ZNF474: variants seen among roughly 807,000 people sequenced by gnomAD.
The protein encoded by ZNF474 is 4933409D10Rik.
For missense variants in ZNF474, 511 were observed against 433.8 expected (o/e 1.18, Z -1.58); for synonymous variants, 192 against 162.2 (o/e 1.18, Z -1.39).
intron 1 of ZNF474, among the ~76,000 whole-genome samples, chr5:122,149,094 G>C (rs1381119167): frequency 6.6e-6 from 1 of 152,086 alleles, no homozygotes; most frequent in Non-Finnish European, 1.5e-5. Context: ...CTTATAAGTG[G>C]GAGCTAAACG....
At chr5:122,131,015 A>G (rs898950861) in intron 1 of ZNF474, among the ~76,000 whole-genome samples, 2 of 152,244 alleles carry the variant, frequency 1.3e-5, no homozygotes, top group East Asian at 1.9e-4. Context: ...TCCTCCACTC[A>G]TGGTAACCAT....
At chr5:122,150,628 A>G (rs1756141848) in intron 1 of ZNF474, among the ~76,000 whole-genome samples, 1 of 152,194 alleles carries the variant, frequency 6.6e-6, no homozygotes, top group African/African-American at 2.4e-5. Flanking sequence ...GATAAAGGAA[A>G]TGAAAAAGGT....
chr5:122,141,433 C>A (rs912275402), intron 1 of ZNF474, among the ~76,000 whole-genome samples: 7 of 150,550 alleles, frequency 4.6e-5, no homozygotes, highest in Non-Finnish European at 8.8e-5. Context: ...CTCAGTCTCC[C>A]AAGTAGCCGG....
At chr5:122,144,864 A>G (rs1409684116) in intron 1 of ZNF474, among the ~76,000 whole-genome samples, 1 of 152,168 alleles carries the variant, frequency 6.6e-6, no homozygotes, top group Non-Finnish European at 1.5e-5. Context: ...TGTCAATATT[A>G]CAATTATATG....
At position 122,152,953 on chromosome 5, in the gene ZNF474, G is replaced by A. The variant is rs751418180; in HGVS notation, c.963G>A (p.Gly321=). The A allele has an allele frequency of 6.2e-7, 1 of 1,613,904 alleles. No individual in the cohort carries two copies. Among genetic ancestry groups the A allele is most frequent in the African/African-American group, 1.3e-5 (1 of 74,900 alleles). ...YGPKYQNLNL[G]SKGGLKEYTN... ...CAAAATATCAGAATTTGAATTTAGG[G>A]AGTAAAGGAGGCCTAAAAGAGTACA... Residue 321 remains glycine (G), a synonymous_variant, in exon 2 of 2, where the codon GGG becomes GGA. Transcript: ENST00000296600.
In ZNF474 at chr5:122,152,008, G is replaced by A; in HGVS notation, c.18G>A (p.Lys6=). The change falls in exon 2 of 2, where the codon AAG becomes AAA. Residue 6 remains lysine, a synonymous_variant. Transcript: ENST00000296600. MERGK[K]KRISNKLQQT... Reference sequence around the variant, plus strand: ...CTTTGTTAATGGAAAGAGGAAAGAAGAAAAGAATTTCCAATAAGTTACAAC... The same window carrying A: ...CTTTGTTAATGGAAAGAGGAAAGAAAAAAAGAATTTCCAATAAGTTACAAC... 1.2e-6 allele frequency: 2 copies of A among 1,609,638 alleles called. No individual in the cohort carries two copies. The highest frequency in any genetic ancestry group is 1.7e-6 in the Non-Finnish European group (2 of 1,178,976).
chr5:122,134,035 T>G (rs908521099), intron 1 of ZNF474, among the ~76,000 whole-genome samples: 2 of 152,210 alleles, frequency 1.3e-5, no homozygotes, highest in African/African-American at 4.8e-5. Flanking sequence ...TTTTCAGGAT[T>G]ATATGCAATT....
chr5:122,141,298 C>CAATTTTTTTTTTTTTTT (rs1755838749), intron 1 of ZNF474, among the ~76,000 whole-genome samples: 1 of 102,200 alleles, frequency 9.8e-6, no homozygotes, highest in African/African-American at 4.3e-5. Flanking sequence ...TTACCCCTGG[C>CAATTTTTTTTTTTTTTT]TATTTTTTTT....
At chr5:122,144,507 A>G (rs1755934674) in intron 1 of ZNF474, among the ~76,000 whole-genome samples, 1 of 152,182 alleles carries the variant, frequency 6.6e-6, no homozygotes, top group African/African-American at 2.4e-5. Context: ...TTCAAGAGAA[A>G]CCAAAAATCC....
intron 1 of ZNF474, among the ~76,000 whole-genome samples, chr5:122,145,426 C>T (rs907177318): frequency 2.6e-5 from 4 of 152,164 alleles, no homozygotes; most frequent in African/African-American, 9.7e-5. Context: ...AAAGAGTATG[C>T]AGAACCAGTG....
chr5:122,131,741 A>G (rs1223049982), intron 1 of ZNF474, among the ~76,000 whole-genome samples: 1 of 152,094 alleles, frequency 6.6e-6, no homozygotes, highest in African/African-American at 2.4e-5. Flanking sequence ...TAATTTGCAT[A>G]TTCCTGATGA....
chr5:122,137,632 A>G (rs937686467), intron 1 of ZNF474, among the ~76,000 whole-genome samples: 1 of 152,078 alleles, frequency 6.6e-6, no homozygotes, highest in South Asian at 2.1e-4. Context: ...ACCCCAAAGT[A>G]AGAGAGAGTT....
Position 122,152,352 on chromosome 5 carries a change from A to C in ZNF474, c.362A>C (p.His121Pro). ...GAACCCCAGTGCTTGCAGAAGTGGCATATTGAAAACAGCAAGTTGCCCAAG... is the reference window on the plus strand; with the variant it reads ...GAACCCCAGTGCTTGCAGAAGTGGCCTATTGAAAACAGCAAGTTGCCCAAG... ...IHEPQCLQKW[H>P]IENSKLPKHL... The change falls in exon 2 of 2, where the codon CAT becomes CCT. Residue 121 changes from histidine to proline, a missense_variant. His to Pro is a moderately conservative substitution (Grantham distance 77). Transcript: ENST00000296600. 1 of 1,614,210 alleles carries C rather than the reference A, an allele frequency of 6.2e-7. No individual in the cohort carries two copies. Among genetic ancestry groups the C allele is most frequent in the Middle Eastern group, 1.6e-4 (1 of 6,062 alleles).
chr5:122,152,875 C>T lies in ZNF474; in HGVS notation c.885C>T (p.Thr295=), dbSNP rs1223873693. The T allele has an allele frequency of 6.2e-7, 1 of 1,614,130 alleles. No individual in the cohort carries two copies. The highest frequency in any genetic ancestry group is 1.7e-5 in the Admixed American group (1 of 60,018). The stretch of plus-strand genomic sequence containing the variant: ...GCCCACATTGTAGCCGAATCTTTAC[C>T]TCAGACCGCCTCCTGGTACACCAGA... ...VFCPHCSRIF[T]SDRLLVHQRS... The change falls in exon 2 of 2, where the codon ACC becomes ACT. Residue 295 remains threonine, a synonymous_variant. Coordinates refer to ENST00000296600, the MANE Select transcript of ZNF474 (RefSeq NM_207317.3).
chr5:122,145,488 G>A (rs6595345), intron 1 of ZNF474, among the ~76,000 whole-genome samples: 22,619 of 152,122 alleles, frequency 0.15, 2,583 homozygotes, highest in African/African-American at 0.31. Context: ...TTTGGTCTAT[G>A]AGTAGGATCA....
At chr5:122,131,798 A>T (rs1211802517) in intron 1 of ZNF474, among the ~76,000 whole-genome samples, 1 of 152,074 alleles carries the variant, frequency 6.6e-6, no homozygotes, top group Non-Finnish European at 1.5e-5. Context: ...GTATCTTTTT[A>T]AAAATTATCT....
intron 1 of ZNF474, among the ~76,000 whole-genome samples, chr5:122,146,639 G>A (rs1755997076): frequency 6.6e-6 from 1 of 152,130 alleles, no homozygotes; most frequent in Non-Finnish European, 1.5e-5. Context: ...AGGTTTCCAT[G>A]TGAATAACAG....
intron 1 of ZNF474, among the ~76,000 whole-genome samples, chr5:122,145,107 A>G (rs6595344): frequency 0.13 from 20,270 of 152,208 alleles, 1,894 homozygotes; most frequent in African/African-American, 0.26. Flanking sequence ...ATACCTGACA[A>G]TTAGATTGAA....
Position 122,151,847 on chromosome 5 carries a change from C to T in ZNF474, c.-144C>T. On this transcript the variant is annotated 5_prime_UTR_variant, in exon 2 of 2. Transcript: ENST00000296600. ...CAGACTGCCGTCCTGCAATGAAGCTCTGAGTCACGGTCTGTGAGGCTAAGG... is the reference window on the plus strand; with the variant it reads ...CAGACTGCCGTCCTGCAATGAAGCTTTGAGTCACGGTCTGTGAGGCTAAGG... The T allele has an allele frequency of 1.0e-6, 1 of 978,442 alleles. No individual in the cohort carries two copies. The highest frequency in any genetic ancestry group is 1.5e-6 in the Non-Finnish European group (1 of 671,654). 60.6% of individuals were successfully genotyped at this position (978,442 alleles called of 1,614,324 possible).
Sources: allele counts gnomAD v4.1 joint callset (sites outside exome capture counted in the v4.1 genomes callset), GRCh38; gene constraint gnomAD v4.1.1; transcripts MANE v1.5; gene names NCBI Gene and HGNC (gene_info 2026-07-23, HGNC 2026-07-21).